SLC30A4: variants seen among roughly 807,000 people sequenced by gnomAD.
SLC30A4 encodes the protein probable proton-coupled zinc antiporter SLC30A4.
SLC30A4 carries 20 observed loss-of-function variants against 41.7 expected under a neutral mutation model. That is an observed-to-expected ratio of 0.48 (90% CI 0.34 to 0.70). The LOEUF (loss-of-function observed/expected upper bound fraction) is 0.70, where lower values mean the gene tolerates loss of function less well. Ranked by LOEUF, SLC30A4 falls within the 30% of genes least tolerant of loss-of-function variation. The probability of loss-of-function intolerance (pLI) is 0.01; values close to 1 mark genes in which losing one functional copy is unlikely to be tolerated. For synonymous variants in SLC30A4, 181 were observed against 195.9 expected (o/e 0.92, Z 0.64); for missense variants, 441 against 529.3 (o/e 0.83, Z 1.64).
At chr15:45,499,113 C>T (rs1216369305) in intron 3 of SLC30A4, among the ~76,000 whole-genome samples, 2 of 145,174 alleles carry the variant, frequency 1.4e-5, no homozygotes, top group Non-Finnish European at 3.0e-5. Context: ...GACGGAGTCT[C>T]ACTCTGTCAC....
intron 2 of SLC30A4, among the ~76,000 whole-genome samples, chr15:45,520,211 G>T (rs1242529156): frequency 1.3e-5 from 2 of 151,756 alleles, no homozygotes; most frequent in South Asian, 2.1e-4. Flanking sequence ...GTCAGAAAAG[G>T]TCTCTCAAAA....
chr15:45,522,110 G>T lies in SLC30A4; in HGVS notation c.245C>A (p.Pro82His), dbSNP rs753350738. 1 of 1,614,232 alleles carries T rather than the reference G, an allele frequency of 6.2e-7. No individual in the cohort carries two copies. The highest frequency in any genetic ancestry group is 2.2e-5 in the East Asian group (1 of 44,884). The change falls in exon 2 of 8, where the codon CCT becomes CAT. Residue 82 changes from proline (P) to histidine (H), a missense_variant. Around this residue, in one of 3 missense-constraint regions of SLC30A4, gnomAD observed 312 missense variants for 341.9 expected, o/e 0.91. Transcript: ENST00000261867. Reference protein sequence around the residue: ...DDDSLLDQDLPLTNSQLSLKV... With the variant: ...DDDSLLDQDLHLTNSQLSLKV... ...CAAACTCAGCTGACTGTTGGTCAAA[G>T]GTAAGTCTTGGTCCAGTAAGGAATC...
chr15:45,486,493 G>T, intron 7 of SLC30A4, 118 bp downstream of exon 7: 1 of 951,736 alleles, frequency 1.1e-6, no homozygotes, highest in Non-Finnish European at 1.5e-6. Context: ...AAAGGCTTTT[G>T]TCTTAAAACA....
chr15:45,485,767 G>C (rs895168186), intron 7 of SLC30A4, among the ~76,000 whole-genome samples: 9 of 151,632 alleles, frequency 5.9e-5, no homozygotes, highest in Non-Finnish European at 8.8e-5. Context: ...GCCCAGGCTG[G>C]AGTACAATGG....
chr15:45,491,218 A>G (rs1475067111), intron 3 of SLC30A4, among the ~76,000 whole-genome samples: 1 of 152,072 alleles, frequency 6.6e-6, no homozygotes, highest in Non-Finnish European at 1.5e-5. Context: ...TGTGTTTAGC[A>G]CTTACAGAAA....
At position 45,484,308 on chromosome 15, in the gene SLC30A4, C is replaced by T. The variant is rs1891657552; in HGVS notation, c.*855G>A. On this transcript the variant is annotated 3_prime_UTR_variant, in exon 8 of 8. Transcript: ENST00000261867. ...TTTGCAGTCTCTTGCTTTTTTAAGA[C>T]AATTTCATGAATGATAAAAGTGATG... 1 of 152,148 alleles carries T rather than the reference C, an allele frequency of 6.6e-6. No individual in the cohort carries two copies. Among genetic ancestry groups the T allele is most frequent in the African/African-American group, 2.4e-5 (1 of 41,434 alleles). 9.4% of individuals were successfully genotyped at this position (152,148 alleles called of 1,614,324 possible). A position where few individuals can be genotyped will look rare whatever the true frequency, so the allele number is the denominator to read the frequency against.
At chr15:45,511,987 C>T (rs1272037030) in intron 2 of SLC30A4, among the ~76,000 whole-genome samples, 1 of 152,032 alleles carries the variant, frequency 6.6e-6, no homozygotes, top group African/African-American at 2.4e-5. Context: ...TGTTGAGGGG[C>T]GTTGGAACAT....
chr15:45,504,850 G>A (rs149162702), intron 3 of SLC30A4, among the ~76,000 whole-genome samples: 1,621 of 152,288 alleles, frequency 0.011, 36 homozygotes, highest in African/African-American at 0.037. Context: ...GGGAGCCAGA[G>A]CTTGAGCCAA....
Position 45,487,563 on chromosome 15 carries a change from G to A in SLC30A4, c.964C>T (p.Arg322Ter). 4.5e-6 allele frequency: 7 copies of A among 1,563,762 alleles called. No homozygotes were observed. The highest frequency in any genetic ancestry group is 6.2e-6 in the Non-Finnish European group (7 of 1,135,216). ...FSLLVAFTTFRIIWDTVVIIL... is the reference protein window; with the variant it reads ...FSLLVAFTTF Reference sequence around the variant, plus strand: ...ATAACTACTGTATCCCATATGATTCGAAATGTTGTAAAAGCCACAAGTAAT... The same window carrying A: ...ATAACTACTGTATCCCATATGATTCAAAATGTTGTAAAAGCCACAAGTAAT... Residue 322 changes from arginine (R) to a stop codon, truncating the protein, a stop_gained, in exon 6 of 8, where the codon CGA (arginine) becomes TGA (stop). Transcript: ENST00000261867. LOFTEE classifies it high-confidence loss of function.
intron 2 of SLC30A4, among the ~76,000 whole-genome samples, chr15:45,518,587 G>C (rs201851356): frequency 6.8e-6 from 1 of 148,132 alleles, no homozygotes; most frequent in African/African-American, 2.6e-5. Flanking sequence ...CTTTTTGAGA[G>C]AGTCTCACTC....
chr15:45,505,788 A>G (rs1182308794), intron 3 of SLC30A4, among the ~76,000 whole-genome samples: 2 of 152,200 alleles, frequency 1.3e-5, no homozygotes. Flanking sequence ...CTGGAAGGAT[A>G]GGCTAGAAAC....
At chr15:45,512,570 A>G (rs941921582) in intron 2 of SLC30A4, 5 of 152,162 alleles carry the variant, frequency 3.3e-5, no homozygotes, top group Admixed American at 2.0e-4. Flanking sequence ...GCTCTATACA[A>G]ATAGCATTTT....
chr15:45,486,316 C>G (rs1891705911), intron 7 of SLC30A4, among the ~76,000 whole-genome samples: 1 of 152,090 alleles, frequency 6.6e-6, no homozygotes, highest in South Asian at 2.1e-4. Context: ...AGCCACCATG[C>G]CAGTCAGGAA....
chr15:45,494,844 G>A (rs1223735594), intron 3 of SLC30A4, among the ~76,000 whole-genome samples: 2 of 151,966 alleles, frequency 1.3e-5, no homozygotes, highest in East Asian at 1.9e-4. Flanking sequence ...TAGTTTTTAA[G>A]GTGCCCTAAT....
In SLC30A4 at chr15:45,483,816, C is replaced by G. The variant is rs1323424541; in HGVS notation, c.*1347G>C. The G allele has an allele frequency of 6.6e-6, 1 of 152,412 alleles. No homozygotes were observed. Among genetic ancestry groups the G allele is most frequent in the Non-Finnish European group, 1.5e-5 (1 of 68,234 alleles). 9.4% of individuals were successfully genotyped at this position (152,412 alleles called of 1,614,324 possible). On this transcript the variant is annotated 3_prime_UTR_variant, in exon 8 of 8. Transcript: ENST00000261867. Reference sequence around the variant, plus strand: ...CCCAGGAGGCAGAGGTTACAGTGAGCAGAGGTCACGCCACTGCACTCCAGC... The same window carrying G: ...CCCAGGAGGCAGAGGTTACAGTGAGGAGAGGTCACGCCACTGCACTCCAGC...
chr15:45,487,177 A>C (rs1891720422), intron 6 of SLC30A4, among the ~76,000 whole-genome samples: 1 of 152,238 alleles, frequency 6.6e-6, no homozygotes, highest in African/African-American at 2.4e-5. Context: ...TTAAGGAATT[A>C]ATACATAATC....
At chr15:45,512,666 CTGAA>C (rs1427105032) in intron 2 of SLC30A4, among the ~76,000 whole-genome samples, 1 of 152,168 alleles carries the variant, frequency 6.6e-6, no homozygotes, top group Admixed American at 6.6e-5. Context: ...CTCAGAAAGT[CTGAA>C]TGAGTTAATT....
chr15:45,490,802 AGT>A lies in SLC30A4; in HGVS notation c.616_617del (p.Thr206TyrfsTer6). On this transcript the variant is annotated frameshift_variant, in exon 4 of 8. Coordinates refer to ENST00000261867, the MANE Select transcript of SLC30A4 (RefSeq NM_013309.6). LOFTEE classifies it high-confidence loss of function. ...GFLLYEAVQR[T>X]IHMNYEINGD... ...CATTTATTTCATAGTTCATATGGAT[AGT>A]TCTTTGCACAGCTTCATATAAGAGG... The A allele has an allele frequency of 6.2e-7, 1 of 1,610,558 alleles. No homozygotes were observed. The highest frequency in any genetic ancestry group is 8.5e-7 in the Non-Finnish European group (1 of 1,177,304).
Position 45,482,765 on chromosome 15 carries a change from C to T in SLC30A4, c.*2398G>A, listed in dbSNP as rs2140805507. The T allele has an allele frequency of 6.6e-6, 1 of 152,224 alleles. No individual in the cohort carries two copies. The highest frequency in any genetic ancestry group is 1.9e-4 in the East Asian group (1 of 5,192). The allele number at this position is 152,224 out of a possible 1,614,324, so 9.4% of individuals were successfully genotyped here. On this transcript the variant is annotated 3_prime_UTR_variant, in exon 8 of 8. Coordinates refer to ENST00000261867, the MANE Select transcript of SLC30A4 (RefSeq NM_013309.6). ...CAAGTCATTATTTTAAATGACTTCA[C>T]AATAGGAATCCCATCATGTATATTT...
Sources: gnomAD v4.1 joint callset for allele counts (sites outside exome capture counted in the v4.1 genomes callset) on GRCh38, gnomAD v4.1.1 for gene constraint, gnomAD v4.1.1 regional missense constraint, MANE v1.5 for transcripts, NCBI Gene and HGNC (gene_info 2026-07-23, HGNC 2026-07-21) for gene names.